The following FAM53B variants were observed in gnomAD, a reference collection of about 807,000 sequenced individuals.
FAM53B encodes protein FAM53B.
A neutral mutation model predicts 32.7 loss-of-function variants in FAM53B; 12 were observed. That is an observed-to-expected ratio of 0.37 (90% CI 0.24 to 0.59). The LOEUF is 0.59. FAM53B is among the 20% of genes least tolerant of loss of function. The pLI, the probability that FAM53B is intolerant of heterozygous loss-of-function variation, is 0.72. For missense variants in FAM53B, 477 were observed against 577.7 expected (o/e 0.83, Z 1.79); for synonymous variants, 234 against 228.7 (o/e 1.02, Z -0.21).
chr10:124,700,311 C>T (rs1949906735), intron 2 of FAM53B, among the ~76,000 whole-genome samples: 1 of 152,190 alleles, frequency 6.6e-6, no homozygotes, highest in South Asian at 2.1e-4. Flanking sequence ...GCCTTTCCAA[C>T]ACTTTGAACC....
chr10:124,717,616 C>T (rs548899717), intron 1 of FAM53B, among the ~76,000 whole-genome samples: 1 of 152,292 alleles, frequency 6.6e-6, no homozygotes, highest in Admixed American at 6.5e-5. Context: ...TGGGTGGGAC[C>T]GAGGTAGCGG....
chr10:124,665,437 C>G (rs1431132141), intron 4 of FAM53B, among the ~76,000 whole-genome samples: 3 of 152,246 alleles, frequency 2.0e-5, no homozygotes, highest in Admixed American at 6.5e-5. Context: ...CAAGCCTGTT[C>G]CCCTGACTAG....
At chr10:124,743,166 G>A (rs1444094784) in intron 1 of FAM53B, among the ~76,000 whole-genome samples, 1 of 149,386 alleles carries the variant, frequency 6.7e-6, no homozygotes. Context: ...GGGGCGGGGG[G>A]AGCGAGAACA....
At chr10:124,688,101 T>C (rs1337227643) in intron 3 of FAM53B, among the ~76,000 whole-genome samples, 1 of 152,198 alleles carries the variant, frequency 6.6e-6, no homozygotes, top group Non-Finnish European at 1.5e-5. Context: ...ATGCTCTTGA[T>C]GGACAGCCAC....
intron 4 of FAM53B, among the ~76,000 whole-genome samples, chr10:124,627,281 C>T (rs1277241950): frequency 6.6e-6 from 1 of 152,224 alleles, no homozygotes; most frequent in East Asian, 1.9e-4. Context: ...TGCAGCTGCC[C>T]TGTGCCCTCC....
At chr10:124,631,155 G>C (rs75360179) in intron 4 of FAM53B, among the ~76,000 whole-genome samples, 1 of 152,298 alleles carries the variant, frequency 6.6e-6, no homozygotes, top group African/African-American at 2.4e-5. Flanking sequence ...CCCCGCTCTG[G>C]TGGCTCTCTT....
intron 4 of FAM53B, among the ~76,000 whole-genome samples, chr10:124,680,853 C>T (rs1424997200): frequency 6.6e-6 from 1 of 152,244 alleles, no homozygotes; most frequent in Non-Finnish European, 1.5e-5. Context: ...CAAGGGCCAG[C>T]ACCACTTCCT....
chr10:124,637,794 G>A (rs3781467), intron 4 of FAM53B, among the ~76,000 whole-genome samples: 7,720 of 152,180 alleles, frequency 0.051, 250 homozygotes, highest in East Asian at 0.14. Flanking sequence ...AGGATCGCCC[G>A]CTTCCTAAAC....
intron 4 of FAM53B, among the ~76,000 whole-genome samples, chr10:124,671,474 T>C (rs944715203): frequency 3.3e-5 from 5 of 152,238 alleles, no homozygotes; most frequent in Admixed American, 3.3e-4. Flanking sequence ...TTGCTCACAG[T>C]GAATTCACCT....
At chr10:124,683,712 AG>A in intron 3 of FAM53B, among the ~76,000 whole-genome samples, 1 of 144,762 alleles carries the variant, frequency 6.9e-6, no homozygotes, top group African/African-American at 2.4e-5. Flanking sequence ...ACTACACTGC[AG>A]CGCTGAGGTG....
chr10:124,651,918 C>G lies in FAM53B; in HGVS notation c.907-28314G>C, dbSNP rs1949558898. Among the ~76,000 whole-genome samples the G allele has an allele frequency of 6.6e-6, 1 of 152,178 alleles. No homozygotes were observed. The highest frequency in any genetic ancestry group is 2.4e-5 in the African/African-American group (1 of 41,454). On this transcript the variant is annotated intron_variant, in intron 4 of 4. Coordinates refer to ENST00000337318, the MANE Select transcript of FAM53B (RefSeq NM_014661.4). This position sits in a 1 kb window ranked among gnomAD's most constrained non-coding sequence, Gnocchi z 5.2. ...TGCTTGCTGGTTCCTTTATTTGTCC[C>G]CCATCTGTGAAGCATCTGTGGTCCA...
chr10:124,647,008 G>A (rs1340402977), intron 4 of FAM53B, among the ~76,000 whole-genome samples: 3 of 152,138 alleles, frequency 2.0e-5, no homozygotes, highest in Non-Finnish European at 4.4e-5. Flanking sequence ...TGCAGCAGGC[G>A]ATGGGAACTG....
intron 2 of FAM53B, among the ~76,000 whole-genome samples, chr10:124,697,798 A>G: frequency 6.6e-6 from 1 of 152,132 alleles, no homozygotes; most frequent in Admixed American, 6.5e-5. Context: ...TCAGTTTAAA[A>G]TGATCCTAAC....
rs2134085703 is a variant in FAM53B, at chr10:124,706,620, C to T, written c.78+16G>A. The T allele has an allele frequency of 6.2e-7, 1 of 1,614,190 alleles. No homozygotes were observed. The highest frequency in any genetic ancestry group is 8.5e-7 in the Non-Finnish European group (1 of 1,180,030). ...AGAAATGGTCATGGAAAGCAGGAAG[C>T]CTGCCAGGTCCTCACCAGTTCACGG... On this transcript the variant is annotated intron_variant, in intron 2 of 4. Coordinates refer to ENST00000337318, the MANE Select transcript of FAM53B (RefSeq NM_014661.4).
At chr10:124,721,842 C>G (rs145887036) in intron 1 of FAM53B, among the ~76,000 whole-genome samples, 5 of 152,300 alleles carry the variant, frequency 3.3e-5, no homozygotes, top group Non-Finnish European at 7.3e-5. Context: ...TAGTACATAT[C>G]GTATCGTTAG....
intron 3 of FAM53B, among the ~76,000 whole-genome samples, chr10:124,683,990 G>C (rs549927117): frequency 6.6e-6 from 1 of 152,376 alleles, no homozygotes; most frequent in South Asian, 2.1e-4. Flanking sequence ...AGAAAAAGCC[G>C]AGGCAGAGCT....
chr10:124,683,580 C>T (rs1264442121), intron 3 of FAM53B, among the ~76,000 whole-genome samples: 2 of 152,176 alleles, frequency 1.3e-5, no homozygotes, highest in African/African-American at 4.8e-5. Context: ...CATGTACCAT[C>T]CTGGACCAGA....
chr10:124,653,049 G>A (rs1949566216), intron 4 of FAM53B, among the ~76,000 whole-genome samples: 1 of 152,186 alleles, frequency 6.6e-6, no homozygotes, highest in Non-Finnish European at 1.5e-5. Context: ...CTTGAGGCCA[G>A]GACAGCATTT....
At position 124,623,410 on chromosome 10, in the gene FAM53B, G is replaced by C; in HGVS notation, c.1101C>G (p.Leu367=). Residue 367 remains leucine (L), a synonymous_variant, in exon 5 of 5, where the codon CTC becomes CTG. Coordinates refer to ENST00000337318, the MANE Select transcript of FAM53B (RefSeq NM_014661.4). The part of the protein sequence containing the change: ...EPLPPSFDDH[L]ACQEDLSCEE... ...CACAGGACAGGTCCTCCTGGCAGGCGAGGTGGTCGTCGAAGGAAGGGGGAA... is the reference window on the plus strand; with the variant it reads ...CACAGGACAGGTCCTCCTGGCAGGCCAGGTGGTCGTCGAAGGAAGGGGGAA... 2 of 1,610,584 alleles carry C rather than the reference G, an allele frequency of 1.2e-6. No individual in the cohort carries two copies. The highest frequency in any genetic ancestry group is 1.7e-6 in the Non-Finnish European group (2 of 1,179,146).
Sources: allele counts gnomAD v4.1 joint callset (sites outside exome capture counted in the v4.1 genomes callset), GRCh38; gene constraint gnomAD v4.1.1; non-coding constraint Gnocchi (gnomAD v3.1); transcripts MANE v1.5; gene names NCBI Gene and HGNC (gene_info 2026-07-23, HGNC 2026-07-21).